The following MNAT1 variants were observed in gnomAD, a reference collection of about 807,000 sequenced individuals.
MNAT1 encodes the protein MNAT1 component of CDK activating kinase.
Under a neutral mutation model 42.0 loss-of-function variants are expected in MNAT1, and 43 were observed. The ratio of observed to expected loss-of-function variants is 1.02; its 90% confidence interval spans 0.80 to 1.32. The LOEUF (loss-of-function observed/expected upper bound fraction) is 1.32. MNAT1 is among the 40% of genes most tolerant of loss of function. MNAT1 has a pLI of 0.00. For synonymous variants in MNAT1, 118 were observed against 120.0 expected, an observed-to-expected ratio of 0.98 and a Z score of 0.11; for missense variants, 306 against 350.4, an observed-to-expected ratio of 0.87 and a Z score of 1.01.
intron 7 of MNAT1, among the ~76,000 whole-genome samples, chr14:60,920,397 C>G (rs1036930621): frequency 6.6e-6 from 1 of 151,788 alleles, no homozygotes; most frequent in African/African-American, 2.4e-5. Flanking sequence ...CTTTTTTTTC[C>G]TTTCCATTAT....
At chr14:60,966,590 G>T (rs1043185628) in intron 7 of MNAT1, among the ~76,000 whole-genome samples, 1 of 152,338 alleles carries the variant, frequency 6.6e-6, no homozygotes, top group South Asian at 2.1e-4. Flanking sequence ...TCGGCTCACT[G>T]CAACCTCCAC....
At chr14:60,930,265 C>T (rs1714705418) in intron 7 of MNAT1, among the ~76,000 whole-genome samples, 1 of 144,204 alleles carries the variant, frequency 6.9e-6, no homozygotes, top group Admixed American at 7.0e-5. Flanking sequence ...ATTTCCTTCT[C>T]TAGATAAGCT....
Position 60,927,371 on chromosome 14 carries a change from T to C in MNAT1, c.810-40858T>C, listed in dbSNP as rs4151359. Among the ~76,000 whole-genome samples the C allele has an allele frequency of 5.0e-4, 76 of 152,286 alleles. No individual in the cohort carries two copies. In the East Asian group the frequency reaches 0.013, roughly 26 times the overall value. ...TTTTAAAAACTTTATTGAAGTAAAA[T>C]TTACATACCACAAAGGTAACGCATT... is the stretch of plus-strand genomic sequence containing the variant. On this transcript the variant is annotated intron_variant, in intron 7 of 7. Transcript: ENST00000261245.
intron 1 of MNAT1, among the ~76,000 whole-genome samples, chr14:60,777,365 G>A (rs1594745813): frequency 6.6e-6 from 1 of 152,098 alleles, no homozygotes; most frequent in South Asian, 2.1e-4. Flanking sequence ...TGGGAGGATC[G>A]CTTAAGGCCA....
At chr14:60,932,393 C>T (rs188264717) in intron 7 of MNAT1, among the ~76,000 whole-genome samples, 10 of 152,034 alleles carry the variant, frequency 6.6e-5, no homozygotes, top group Admixed American at 6.6e-4. Context: ...TGTAATTCCA[C>T]TTAGTACAGC....
At chr14:60,903,780 C>T (rs960708370) in intron 7 of MNAT1, among the ~76,000 whole-genome samples, 1 of 149,322 alleles carries the variant, frequency 6.7e-6, no homozygotes, top group Admixed American at 6.7e-5. Context: ...ATAATATTGA[C>T]TTATTATATA....
In MNAT1 at chr14:60,817,467, A is replaced by C. The variant is rs144947972; in HGVS notation, c.562-1255A>C. Among the ~76,000 whole-genome samples the C allele has an allele frequency of 5.1e-3, 781 of 152,088 alleles. 13 individuals are homozygous for C. The highest frequency in any genetic ancestry group is 0.018 in the African/African-American group (733 of 41,558). On this transcript the variant is annotated intron_variant, in intron 5 of 7. Transcript: ENST00000261245. Reference sequence around the variant, plus strand: ...TAAAATTTGTGTTCTTCCATTTACTATTAAAAGTTTTAAACTTTGTAACAT... The same window carrying C: ...TAAAATTTGTGTTCTTCCATTTACTCTTAAAAGTTTTAAACTTTGTAACAT...
chr14:60,854,020 C>T (rs769345218), intron 6 of MNAT1, among the ~76,000 whole-genome samples: 36 of 151,944 alleles, frequency 2.4e-4, no homozygotes, highest in Admixed American at 8.5e-4. Context: ...TTTTTCTAAT[C>T]TTGTCTTCAT....
At chr14:60,942,844 A>G (rs2036198489) in intron 7 of MNAT1, among the ~76,000 whole-genome samples, 1 of 152,152 alleles carries the variant, frequency 6.6e-6, no homozygotes, top group Non-Finnish European at 1.5e-5. Flanking sequence ...TTACTACTGC[A>G]AAATCAAGTT....
intron 7 of MNAT1, among the ~76,000 whole-genome samples, chr14:60,894,802 C>T (rs2034918830): frequency 6.6e-6 from 1 of 152,100 alleles, no homozygotes; most frequent in African/African-American, 2.4e-5. Context: ...TCCATAAAGA[C>T]TGTACATACA....
chr14:60,962,770 A>G (rs980762308), intron 7 of MNAT1, among the ~76,000 whole-genome samples: 1 of 152,204 alleles, frequency 6.6e-6, no homozygotes, highest in Non-Finnish European at 1.5e-5. Flanking sequence ...ATTTCCAAAT[A>G]TGAGTTTTGG....
chr14:60,850,730 TAA>T (rs2033802735), intron 6 of MNAT1, among the ~76,000 whole-genome samples: 1 of 152,156 alleles, frequency 6.6e-6, no homozygotes, highest in Non-Finnish European at 1.5e-5. Context: ...CCTCCATGGA[TAA>T]CATGGTAGAT....
chr14:60,754,126 C>G (rs2030223813), intron 1 of MNAT1, among the ~76,000 whole-genome samples: 1 of 152,152 alleles, frequency 6.6e-6, no homozygotes, highest in African/African-American at 2.4e-5. Context: ...GATATCTTGA[C>G]AAATAAGCTG....
intron 6 of MNAT1, among the ~76,000 whole-genome samples, chr14:60,856,266 A>G (rs2033956517): frequency 6.6e-6 from 1 of 152,260 alleles, no homozygotes; most frequent in South Asian, 2.1e-4. Flanking sequence ...AAAATGAAAC[A>G]TGCTCATTGT....
At chr14:60,770,850 G>A (rs2031026628) in intron 1 of MNAT1, among the ~76,000 whole-genome samples, 1 of 152,164 alleles carries the variant, frequency 6.6e-6, no homozygotes. Flanking sequence ...TATTCACAAT[G>A]TTAATGCACA....
chr14:60,860,998 A>T (rs2034082358), intron 6 of MNAT1, among the ~76,000 whole-genome samples: 1 of 152,206 alleles, frequency 6.6e-6, no homozygotes, highest in African/African-American at 2.4e-5. Flanking sequence ...TAGGCATTTA[A>T]AAAATACCAC....
At chr14:60,958,756 C>T (rs1322538541) in intron 7 of MNAT1, among the ~76,000 whole-genome samples, 1 of 151,034 alleles carries the variant, frequency 6.6e-6, no homozygotes, top group Non-Finnish European at 1.5e-5. Flanking sequence ...CCTGCCTCAG[C>T]CTCCTGAGTA....
chr14:60,772,243 G>A (rs757850082), intron 1 of MNAT1, among the ~76,000 whole-genome samples: 2 of 152,066 alleles, frequency 1.3e-5, no homozygotes, highest in African/African-American at 2.4e-5. Context: ...ACTGGGCAAC[G>A]GAGTGAGACC....
intron 7 of MNAT1, among the ~76,000 whole-genome samples, chr14:60,940,040 G>T (rs1444783149): frequency 6.6e-6 from 1 of 152,154 alleles, no homozygotes; most frequent in Admixed American, 6.5e-5. Flanking sequence ...TTTTATGAGA[G>T]ACTAGGATCG....
Sources: allele counts gnomAD v4.1 joint callset (sites outside exome capture counted in the v4.1 genomes callset), GRCh38; gene constraint gnomAD v4.1.1; transcripts MANE v1.5; gene names NCBI Gene and HGNC (gene_info 2026-07-23, HGNC 2026-07-21).